The following GON4L variants were observed in gnomAD, a reference collection of about 807,000 sequenced individuals.
GON4L encodes the protein GON-4-like protein.
GON4L carries 87 observed loss-of-function variants against 211.8 expected under a neutral mutation model. The observed-to-expected ratio is 0.41, with a 90% CI of 0.35 to 0.49. The LOEUF (loss-of-function observed/expected upper bound fraction) is 0.49, where lower values mean the gene tolerates loss of function less well. Ranked by LOEUF, GON4L falls within the 20% of genes least tolerant of loss-of-function variation. GON4L has a pLI of 0.15. For synonymous variants in GON4L, 875 were observed against 962.6 expected, an observed-to-expected ratio of 0.91 and a Z score of 1.68; for missense variants, 2,155 against 2,659.5, an observed-to-expected ratio of 0.81 and a Z score of 4.17.
chr1:155,820,723 T>C (rs1319250425), intron 5 of GON4L, 67 bp from the exon 6 acceptor site: 5 of 1,202,558 alleles, frequency 4.2e-6, no homozygotes, highest in Non-Finnish European at 6.2e-6. Flanking sequence ...GGCTCATGCC[T>C]ATAATCCTAG....
rs746869310 is a variant in GON4L, at chr1:155,783,912, T to C, written c.1892+74A>G. ...CTGGTTTGGGATGAAAAATTATCAATTGCAACTTCTGAAAACCTTTTCAGA... is the reference window on the plus strand; with the variant it reads ...CTGGTTTGGGATGAAAAATTATCAACTGCAACTTCTGAAAACCTTTTCAGA... On this transcript the variant is annotated intron_variant, in intron 14 of 31. Coordinates refer to ENST00000368331, the MANE Select transcript of GON4L (RefSeq NM_001282860.2). 2.5e-5 allele frequency: 40 copies of C among 1,595,860 alleles called. 1 individual carries two copies. The highest frequency in any genetic ancestry group is 1.6e-4 in the South Asian group (14 of 90,132).
At chr1:155,774,890 A>T (rs1237931737) in intron 17 of GON4L, 112 bp downstream of exon 17, 1 of 1,234,440 alleles carries the variant, frequency 8.1e-7, no homozygotes, top group African/African-American at 1.5e-5. Flanking sequence ...AGAAATTACA[A>T]ATGTCCTGTG....
At chr1:155,771,590 A>G (rs566060541) in intron 18 of GON4L, among the ~76,000 whole-genome samples, 1 of 152,180 alleles carries the variant, frequency 6.6e-6, no homozygotes, top group Non-Finnish European at 1.5e-5. Context: ...CCCGTACTTC[A>G]TCCTCCCAAG....
chr1:155,833,448 G>C (rs1669980052), intron 2 of GON4L, among the ~76,000 whole-genome samples: 1 of 151,718 alleles, frequency 6.6e-6, no homozygotes, highest in Admixed American at 6.6e-5. Context: ...AGGAGATCAA[G>C]ACCATCCTGG....
chr1:155,823,220 T>C (rs752603382), intron 3 of GON4L, among the ~76,000 whole-genome samples: 1 of 152,214 alleles, frequency 6.6e-6, no homozygotes, highest in Non-Finnish European at 1.5e-5. Context: ...TGAGCCACCG[T>C]ACCTGGCCCA....
intron 2 of GON4L, among the ~76,000 whole-genome samples, chr1:155,850,833 G>A (rs1671699977): frequency 2.0e-5 from 3 of 151,124 alleles, no homozygotes; most frequent in African/African-American, 4.9e-5. Flanking sequence ...GGTGGATCAC[G>A]AGGTCAGGAG....
intron 2 of GON4L, among the ~76,000 whole-genome samples, chr1:155,833,442 G>T (rs1229254143): frequency 6.6e-6 from 1 of 151,822 alleles, no homozygotes; most frequent in Non-Finnish European, 1.5e-5. Context: ...AAGGTCAGGA[G>T]ATCAAGACCA....
intron 2 of GON4L, among the ~76,000 whole-genome samples, chr1:155,844,640 C>A (rs774274203): frequency 6.6e-6 from 1 of 151,988 alleles, no homozygotes; most frequent in Non-Finnish European, 1.5e-5. Flanking sequence ...CACATGTGGT[C>A]CCAGCTACTC....
intron 2 of GON4L, among the ~76,000 whole-genome samples, chr1:155,834,819 C>T (rs182568322): frequency 3.9e-5 from 6 of 152,164 alleles, no homozygotes; most frequent in South Asian, 2.1e-4. Flanking sequence ...ATTAAAAATC[C>T]GCCCCTTCGC....
At chr1:155,832,625 C>A (rs541389048) in intron 2 of GON4L, among the ~76,000 whole-genome samples, 1 of 152,170 alleles carries the variant, frequency 6.6e-6, no homozygotes, top group African/African-American at 2.4e-5. Flanking sequence ...GGTGACAGAG[C>A]GAGACTCTGT....
chr1:155,795,943 T>G (rs987119947), intron 11 of GON4L, among the ~76,000 whole-genome samples: 1 of 152,184 alleles, frequency 6.6e-6, no homozygotes, highest in East Asian at 1.9e-4. Context: ...TGCCCAGATT[T>G]CAAATTTTCA....
chr1:155,845,606 A>G, intron 2 of GON4L: 1 of 321,756 alleles, frequency 3.1e-6, no homozygotes, highest in South Asian at 3.1e-5. Context: ...AAACACATAC[A>G]GAATGTTTAA....
chr1:155,774,940 A>G (rs1305994071), intron 17 of GON4L, 62 bp downstream of exon 17: 1 of 1,603,832 alleles, frequency 6.2e-7, no homozygotes, highest in Non-Finnish European at 8.5e-7. Context: ...TATCTATGGG[A>G]TAAGATTCCC....
In GON4L at chr1:155,814,410, G is replaced by A. The variant is rs765911789; in HGVS notation, c.1201C>T (p.Pro401Ser). 2 of 1,613,336 alleles carry A rather than the reference G, an allele frequency of 1.2e-6. No individual in the cohort carries two copies. The highest frequency in any genetic ancestry group is 1.7e-6 in the Non-Finnish European group (2 of 1,179,338). The part of the protein sequence containing the change: ...ESDVESTASS[P>S]RGAKKSRLRQ... ...AATCTGGATTTCTTTGCCCCACGTGGAGATGAAGCAGTGCTTTCAACATCA... is the reference window on the plus strand; with the variant it reads ...AATCTGGATTTCTTTGCCCCACGTGAAGATGAAGCAGTGCTTTCAACATCA... Residue 401 changes from proline (P) to serine (S), a missense_variant, in exon 9 of 32, where the codon CCA (proline) becomes TCA (serine). Physicochemically the swap from Pro to Ser is moderately conservative, Grantham distance 74 (BLOSUM62 -1). Coordinates refer to ENST00000368331, the MANE Select transcript of GON4L (RefSeq NM_001282860.2).
Position 155,826,826 on chromosome 1 carries a change from A to T in GON4L, c.697+11T>A. The T allele has an allele frequency of 1.3e-6, 2 of 1,576,948 alleles. No individual in the cohort carries two copies. The highest frequency in any genetic ancestry group is 2.2e-5 in the South Asian group (2 of 90,228). On this transcript the variant is annotated intron_variant, in intron 3 of 31. Transcript: ENST00000368331. ...AGGTTTCATTTAATTAAAAAGAAAAAGAAAGCCTACCCATTGGAATGAAGA... is the reference window on the plus strand; with the variant it reads ...AGGTTTCATTTAATTAAAAAGAAAATGAAAGCCTACCCATTGGAATGAAGA...
At position 155,763,422 on chromosome 1, in the gene GON4L, T is replaced by C; in HGVS notation, c.4616A>G (p.Gln1539Arg). ...TTCATCCGTCATTTCATCCTCTTTC[T>C]GCAGGCTTTCCATTCCTTCTGCTTC... is the stretch of plus-strand genomic sequence containing the variant. ...EEEAEGMESL[Q>R]KEDEMTDEAV... Residue 1539 changes from glutamine (Q) to arginine (R), a missense_variant, in exon 22 of 32, where the codon CAG (glutamine) becomes CGG (arginine). This residue lies in a region of GON4L where 455 missense variants were observed against 504.6 expected (regional missense o/e 0.90). Transcript: ENST00000368331. 1 of 1,585,354 alleles carries C rather than the reference T, an allele frequency of 6.3e-7. No individual in the cohort carries two copies. Among genetic ancestry groups the C allele is most frequent in the Non-Finnish European group, 8.6e-7 (1 of 1,165,444 alleles).
intron 11 of GON4L, among the ~76,000 whole-genome samples, chr1:155,797,668 AC>A (rs66502933): frequency 0.4 from 57,539 of 143,488 alleles, 11,819 homozygotes; most frequent in East Asian, 0.69. Context: ...ACATGGTGAG[AC>A]CCCCCCCCTC....
In GON4L at chr1:155,821,964, AC is replaced by A. The variant is rs1668778594; in HGVS notation, c.888+321del. Among the ~76,000 whole-genome samples the A allele has an allele frequency of 2.0e-5, 3 of 152,232 alleles. No homozygotes were observed. The South Asian group carries it at 6.2e-4, about 31-fold the overall frequency. ...ACCAGGCATCTTTTTAGACATATCGACCCACAAGAGTAAACCCACTATGAAC... is the reference window on the plus strand; with the variant it reads ...ACCAGGCATCTTTTTAGACATATCGACCACAAGAGTAAACCCACTATGAAC... On this transcript the variant is annotated intron_variant, in intron 4 of 31. Transcript: ENST00000368331.
rs747655802 is a variant in GON4L, at chr1:155,751,982, C to T, written c.6451G>A (p.Glu2151Lys). 197 of 1,612,308 alleles carry T rather than the reference C, an allele frequency of 1.2e-4. 1 individual carries two copies. The highest frequency in any genetic ancestry group is 4.2e-6 in the Non-Finnish European group (5 of 1,178,546). Reference protein sequence around the residue: ...ANNSKVSSTGEKVVLWTREAD... With the variant: ...ANNSKVSSTGKKVVLWTREAD... ...TACCTTGTCCACAGGACAACCTTTT[C>T]CCCAGTGGAGCTGACCTTGCTGTTG... Residue 2151 changes from glutamate (E) to lysine (K), a missense_variant, in exon 30 of 32, where the codon GAA (glutamate) becomes AAA (lysine). Physicochemically the swap from Glu to Lys is moderately conservative, Grantham distance 56. This residue lies in a region of GON4L where 186 missense variants were observed against 308.1 expected (regional missense o/e 0.60). Coordinates refer to ENST00000368331, the MANE Select transcript of GON4L (RefSeq NM_001282860.2).
Sources: gnomAD v4.1 joint callset for allele counts (sites outside exome capture counted in the v4.1 genomes callset) on GRCh38, gnomAD v4.1.1 for gene constraint, gnomAD v4.1.1 regional missense constraint, MANE v1.5 for transcripts, NCBI Gene and HGNC (gene_info 2026-07-23, HGNC 2026-07-21) for gene names.